The following ESRRG variants were observed in gnomAD, a reference collection of about 807,000 sequenced individuals.
The protein encoded by ESRRG is estrogen related receptor gamma.
ESRRG carries 13 observed loss-of-function variants against 44.0 expected under a neutral mutation model. The ratio of observed to expected loss-of-function variants is 0.30; its 90% CI spans 0.19 to 0.47. ESRRG has a LOEUF of 0.47. Among genes scored for constraint, ESRRG ranks in the 20% least tolerant of loss-of-function variants. ESRRG has a pLI of 1.00. For synonymous variants in ESRRG, 215 were observed against 214.6 expected (o/e 1.00, Z -0.02); for missense variants, 395 against 580.6 (o/e 0.68, Z 3.29).
chr1:216,759,071 G>A (rs1449115434), intron 2 of ESRRG, among the ~76,000 whole-genome samples: 1 of 151,984 alleles, frequency 6.6e-6, no homozygotes, highest in Admixed American at 6.6e-5. Flanking sequence ...CTAGCCATAA[G>A]GCCCTATTAA....
At chr1:216,565,814 T>C (rs2059580772) in intron 4 of ESRRG, among the ~76,000 whole-genome samples, 1 of 152,164 alleles carries the variant, frequency 6.6e-6, no homozygotes, top group East Asian at 1.9e-4. Context: ...TTTTCTTGTA[T>C]GCTACAGAAA....
chr1:217,001,746 G>A (rs955435264), intron 1 of ESRRG, among the ~76,000 whole-genome samples: 1 of 152,044 alleles, frequency 6.6e-6, no homozygotes, highest in Non-Finnish European at 1.5e-5. Context: ...GGTAGGGGCC[G>A]GTTCACATAA....
chr1:216,724,771 T>C (rs558458182), upstream of ESRRG, among the ~76,000 whole-genome samples: 105 of 152,280 alleles, frequency 6.9e-4, no homozygotes, highest in Middle Eastern at 3.4e-3. Context: ...TAACAAAGAG[T>C]TTGCTTAGGT....
At chr1:216,759,744 A>AT (rs1245032059) in intron 2 of ESRRG, among the ~76,000 whole-genome samples, 1 of 151,982 alleles carries the variant, frequency 6.6e-6, no homozygotes, top group African/African-American at 2.4e-5. Flanking sequence ...TAATAGAACA[A>AT]TTTTTTTCTT....
At chr1:216,808,226 T>C (rs2148421909) in intron 2 of ESRRG, among the ~76,000 whole-genome samples, 1 of 152,154 alleles carries the variant, frequency 6.6e-6, no homozygotes, top group East Asian at 1.9e-4. Flanking sequence ...GAATTCTTGA[T>C]GTTTGGTTGC....
chr1:216,646,373 C>T (rs1438691057), intron 3 of ESRRG, among the ~76,000 whole-genome samples: 1 of 152,140 alleles, frequency 6.6e-6, no homozygotes, highest in East Asian at 1.9e-4. Flanking sequence ...TCCTGCTAAG[C>T]ATGTACTAGA....
intron 3 of ESRRG, among the ~76,000 whole-genome samples, chr1:216,634,469 G>A (rs1013545803): frequency 2.0e-5 from 3 of 151,932 alleles, no homozygotes; most frequent in African/African-American, 7.3e-5. Context: ...GGAATACATT[G>A]TAAGTAATTC....
intron 1 of ESRRG, among the ~76,000 whole-genome samples, chr1:216,965,001 AT>A (rs1248759097): frequency 6.6e-6 from 1 of 152,220 alleles, no homozygotes; most frequent in Admixed American, 6.5e-5. Flanking sequence ...ATCACATTTC[AT>A]TACATTTTTT....
chr1:217,076,368 TAA>T (rs774091501), intron 1 of ESRRG, among the ~76,000 whole-genome samples: 1 of 152,158 alleles, frequency 6.6e-6, no homozygotes, highest in Non-Finnish European at 1.5e-5. Flanking sequence ...GCATAGCAGA[TAA>T]CAGCACACCA....
At chr1:216,842,045 G>A (rs906638485) in intron 2 of ESRRG, among the ~76,000 whole-genome samples, 4 of 152,116 alleles carry the variant, frequency 2.6e-5, no homozygotes, top group African/African-American at 4.8e-5. Flanking sequence ...CTAGAAGCTT[G>A]TTGTCAGATT....
intron 1 of ESRRG, among the ~76,000 whole-genome samples, chr1:217,022,906 A>C (rs760479173): frequency 1.3e-5 from 2 of 152,138 alleles, no homozygotes; most frequent in Non-Finnish European, 2.9e-5. Context: ...GCAGGAAAGG[A>C]GGCAGACTAA....
In ESRRG at chr1:216,677,358, C is replaced by T. The variant is rs141125727; in HGVS notation, c.190G>A (p.Ala64Thr). The change falls in exon 2 of 7, where the codon GCC (alanine) becomes ACC (threonine). Residue 64 changes from alanine (A) to threonine (T), a missense_variant. Ala to Thr is a moderately conservative substitution (Grantham distance 58). This residue lies in a region of ESRRG where 148 missense variants were observed against 150.4 expected (regional missense o/e 0.98). Transcript: ENST00000408911. The part of the protein sequence containing the change: ...NHHSPGGSSD[A>T]SGSYSSTMNG... ...ATGGTTGAACTGTAGCTCCCACTGG[C>T]GTCTGAAGAGCCACCAGGGCTGTGG... 5.6e-5 allele frequency: 90 copies of T among 1,614,006 alleles called. No individual in the cohort carries two copies. The highest frequency in any genetic ancestry group is 6.9e-5 in the Non-Finnish European group (81 of 1,180,026).
At chr1:217,067,987 CTAAGATGATGTTACT>C (rs1349248809) in intron 1 of ESRRG, among the ~76,000 whole-genome samples, 1 of 152,130 alleles carries the variant, frequency 6.6e-6, no homozygotes, top group Non-Finnish European at 1.5e-5. Flanking sequence ...CCTTCTCTTT[CTAAGATGATGTTACT>C]GACAGGGATT....
intron 2 of ESRRG, among the ~76,000 whole-genome samples, chr1:216,832,737 G>T (rs1286003586): frequency 1.3e-5 from 2 of 152,156 alleles, no homozygotes; most frequent in African/African-American, 2.4e-5. Context: ...GCCAAGGCAG[G>T]TGGATCACCT....
chr1:217,024,673 T>C (rs2080914936), intron 1 of ESRRG, among the ~76,000 whole-genome samples: 2 of 152,198 alleles, frequency 1.3e-5, no homozygotes, highest in Admixed American at 1.3e-4. Flanking sequence ...CACTTTATCA[T>C]CTTTTAGTTC....
chr1:216,537,753 A>G (rs1377394335), intron 5 of ESRRG, among the ~76,000 whole-genome samples: 1 of 152,074 alleles, frequency 6.6e-6, no homozygotes, highest in African/African-American at 2.4e-5. Flanking sequence ...CTTATGGAGA[A>G]CACATTATTC....
At chr1:216,818,393 G>C (rs952076211) in intron 2 of ESRRG, among the ~76,000 whole-genome samples, 4 of 152,182 alleles carry the variant, frequency 2.6e-5, no homozygotes, top group Admixed American at 2.6e-4. Flanking sequence ...ACAAGGACTA[G>C]AAAATTGTAG....
At chr1:216,859,822 C>A (rs1339078249) in intron 2 of ESRRG, among the ~76,000 whole-genome samples, 2 of 152,154 alleles carry the variant, frequency 1.3e-5, no homozygotes, top group Non-Finnish European at 2.9e-5. Flanking sequence ...TACAAAATAT[C>A]CAACATATGA....
At chr1:217,121,837 C>T (rs917324697) in intron 1 of ESRRG, among the ~76,000 whole-genome samples, 1 of 152,140 alleles carries the variant, frequency 6.6e-6, no homozygotes, top group Non-Finnish European at 1.5e-5. Context: ...AATGTTTCAG[C>T]CAAGAACATA....
Sources: gnomAD v4.1 joint callset for allele counts (sites outside exome capture counted in the v4.1 genomes callset) on GRCh38, gnomAD v4.1.1 for gene constraint, gnomAD v4.1.1 regional missense constraint, MANE v1.5 for transcripts, NCBI Gene and HGNC (gene_info 2026-07-23, HGNC 2026-07-21) for gene names.